PIK3C3: variants seen among roughly 807,000 people sequenced by gnomAD.
PIK3C3 encodes the protein phosphatidylinositol 3-kinase catalytic subunit type 3, also known as PI3-kinase type 3.
PIK3C3 carries 95 observed loss-of-function variants against 126.1 expected under a neutral mutation model. The ratio of observed to expected loss-of-function variants is 0.75; its 90% confidence interval spans 0.64 to 0.89. PIK3C3 has a LOEUF of 0.89. Ranked by LOEUF, PIK3C3 falls within the 40% of genes least tolerant of loss-of-function variation. PIK3C3 has a pLI of 0.00. For synonymous variants in PIK3C3, 374 were observed against 360.0 expected (o/e 1.04, Z -0.44); for missense variants, 829 against 1,063.2 (o/e 0.78, Z 3.06).
chr18:42,086,574 A>G lies in PIK3C3; in HGVS notation c.*5437A>G, dbSNP rs548759081. ...CCAGCCAAAACCCACCAAAACCAAG[A>G]CGGGAATGAAAGTGACCTCCGGTCA... is the stretch of plus-strand genomic sequence containing the variant. On this transcript the variant is annotated 3_prime_UTR_variant, in exon 25 of 25. Transcript: ENST00000262039. 1.3e-5 allele frequency: 2 copies of G among 152,316 alleles called. No homozygotes were observed. Among genetic ancestry groups the G allele is most frequent in the East Asian group, 3.9e-4 (2 of 5,174 alleles). 9.4% of individuals were successfully genotyped at this position (152,316 alleles called of 1,614,324 possible).
chr18:41,977,327 T>A, intron 4 of PIK3C3, among the ~76,000 whole-genome samples: 1 of 152,120 alleles, frequency 6.6e-6, no homozygotes, highest in East Asian at 1.9e-4. Context: ...AAAGGAAACA[T>A]TACTGAAAAA....
chr18:42,057,177 AT>A (rs1175589880), intron 21 of PIK3C3, among the ~76,000 whole-genome samples: 1 of 151,700 alleles, frequency 6.6e-6, no homozygotes, highest in Non-Finnish European at 1.5e-5. Context: ...TGTGTTACAG[AT>A]TAGTAAAATT....
chr18:41,978,685 C>T (rs1232608875), intron 4 of PIK3C3, among the ~76,000 whole-genome samples: 2 of 152,240 alleles, frequency 1.3e-5, no homozygotes, highest in East Asian at 3.9e-4. Flanking sequence ...TAATCTTCAT[C>T]CAAGTGCCCT....
chr18:42,011,996 G>T (rs569699355), intron 10 of PIK3C3, among the ~76,000 whole-genome samples: 13 of 152,052 alleles, frequency 8.5e-5, no homozygotes, highest in African/African-American at 2.9e-4. Context: ...GGCACCCCTG[G>T]TTACAATAGT....
intron 20 of PIK3C3, among the ~76,000 whole-genome samples, chr18:42,047,057 A>C (rs2144486209): frequency 1.3e-5 from 2 of 152,302 alleles, no homozygotes; most frequent in South Asian, 2.1e-4. Flanking sequence ...ATTAAGCATA[A>C]TTCATGTATA....
Position 41,987,798 on chromosome 18 carries a change from T to C in PIK3C3, c.532-14T>C, listed in dbSNP as rs1378416638. The C allele has an allele frequency of 3.1e-6, 5 of 1,588,526 alleles. No individual in the cohort carries two copies. Among genetic ancestry groups the C allele is most frequent in the Non-Finnish European group, 4.3e-6 (5 of 1,162,436 alleles). On this transcript the variant is annotated splice_polypyrimidine_tract_variant and intron_variant, in intron 4 of 24. Coordinates refer to ENST00000262039, the MANE Select transcript of PIK3C3 (RefSeq NM_002647.4). ...ATGTATATTAAAATTTTCGTCATTG[T>C]ATTTATTCTGCAGCTCACCAAAGCT...
Position 41,963,359 on chromosome 18 carries a change from G to A in PIK3C3, c.401+727G>A, listed in dbSNP as rs188964365. The stretch of plus-strand genomic sequence containing the variant: ...CTAGTAACTTGCAAAGGTGGTGATC[G>A]ATGGCTTTTGTGCATTTTGTTTTTT... On this transcript the variant is annotated intron_variant, in intron 3 of 24. Transcript: ENST00000262039. Among the ~76,000 whole-genome samples, 291 of 152,256 alleles carry A rather than the reference G, an allele frequency of 1.9e-3. 1 individual carries two copies. The highest frequency in any genetic ancestry group is 6.4e-3 in the African/African-American group (267 of 41,528).
chr18:42,037,301 G>A (rs1984098662), intron 16 of PIK3C3, among the ~76,000 whole-genome samples: 5 of 152,166 alleles, frequency 3.3e-5, no homozygotes, highest in Admixed American at 2.6e-4. Flanking sequence ...TGTCTTCTTT[G>A]TATTAGGCAT....
chr18:42,024,121 A>T (rs1392090991), intron 13 of PIK3C3, among the ~76,000 whole-genome samples: 2 of 152,226 alleles, frequency 1.3e-5, no homozygotes, highest in Non-Finnish European at 2.9e-5. Context: ...TATAACTTTT[A>T]AGACCTTTCA....
intron 4 of PIK3C3, among the ~76,000 whole-genome samples, chr18:41,975,310 C>T (rs565737604): frequency 3.3e-5 from 5 of 152,280 alleles, no homozygotes; most frequent in South Asian, 4.1e-4. Context: ...AGCCACAAGT[C>T]GCATGTAGCA....
chr18:42,028,760 G>T (rs1190316228), intron 14 of PIK3C3, among the ~76,000 whole-genome samples: 1 of 152,016 alleles, frequency 6.6e-6, no homozygotes, highest in African/African-American at 2.4e-5. Context: ...CCCTTACCAG[G>T]GTAATTGGGA....
At position 42,059,056 on chromosome 18, in the gene PIK3C3, C is replaced by G. The variant is rs140976837; in HGVS notation, c.2432+1005C>G. Among the ~76,000 whole-genome samples, 501 of 152,278 alleles carry G rather than the reference C, an allele frequency of 3.3e-3. 2 individuals carry two copies. The highest frequency in any genetic ancestry group is 0.011 in the African/African-American group (473 of 41,554). ...ATTGTGTGTTTATTCATTGAGAACTCTTCGTATTTGTATGAGAACCCTCCG... is the reference window on the plus strand; with the variant it reads ...ATTGTGTGTTTATTCATTGAGAACTGTTCGTATTTGTATGAGAACCCTCCG... On this transcript the variant is annotated intron_variant, in intron 22 of 24. Coordinates refer to ENST00000262039, the MANE Select transcript of PIK3C3 (RefSeq NM_002647.4).
At chr18:42,002,071 A>C (rs1041507000) in intron 9 of PIK3C3, among the ~76,000 whole-genome samples, 3 of 152,186 alleles carry the variant, frequency 2.0e-5, no homozygotes, top group African/African-American at 7.2e-5. Context: ...GCCCACAAAA[A>C]CATTTGGCAG....
rs563048629 is a variant in PIK3C3, at chr18:42,078,294, G to A, written c.2650-2829G>A. 1.1e-4 allele frequency among the ~76,000 whole-genome samples: 17 copies of A among 149,866 alleles called. No homozygotes were observed. The East Asian group carries it at 2.0e-3, about 17-fold the overall frequency. On this transcript the variant is annotated intron_variant, in intron 24 of 24. Transcript: ENST00000262039. ...CGGGAGGCTGAGGCAGGAGAATGGC[G>A]TGAACCCGGGAAGCGGAGCTTGCAG...
At chr18:41,981,150 A>G (rs370186016) in intron 4 of PIK3C3, among the ~76,000 whole-genome samples, 134 of 152,270 alleles carry the variant, frequency 8.8e-4, no homozygotes, top group African/African-American at 3.2e-3. Context: ...GCGTTTGGGA[A>G]TATCTCGTAA....
Position 41,977,704 on chromosome 18 carries a change from C to T in PIK3C3, c.531+7248C>T, listed in dbSNP as rs575158713. On this transcript the variant is annotated intron_variant, in intron 4 of 24. Transcript: ENST00000262039. ...TTCACCATGTTGGCCAGGCAGGTCTCGAACTCCTAACCTCAAGTGATCAAC... is the reference window on the plus strand; with the variant it reads ...TTCACCATGTTGGCCAGGCAGGTCTTGAACTCCTAACCTCAAGTGATCAAC... Among the ~76,000 whole-genome samples the T allele has an allele frequency of 5.9e-5, 9 of 152,116 alleles. No individual in the cohort carries two copies. In the East Asian group the frequency reaches 1.2e-3, roughly 20 times the overall value.
intron 4 of PIK3C3, among the ~76,000 whole-genome samples, chr18:41,981,708 C>T (rs987902203): frequency 6.6e-6 from 1 of 151,954 alleles, no homozygotes. Context: ...ACCTGTAATC[C>T]CAGTACTTTG....
intron 20 of PIK3C3, among the ~76,000 whole-genome samples, chr18:42,044,593 T>G (rs965830707): frequency 6.6e-6 from 1 of 152,072 alleles, no homozygotes; most frequent in Non-Finnish European, 1.5e-5. Context: ...TTTTTTTGTA[T>G]TTTTTGTAGA....
chr18:42,072,188 G>A (rs968398339), intron 24 of PIK3C3, among the ~76,000 whole-genome samples: 1 of 151,812 alleles, frequency 6.6e-6, no homozygotes, highest in Non-Finnish European at 1.5e-5. Flanking sequence ...ATTGTTAATC[G>A]ATTTATGGTA....
Sources: allele counts gnomAD v4.1 joint callset (sites outside exome capture counted in the v4.1 genomes callset), GRCh38; gene constraint gnomAD v4.1.1; transcripts MANE v1.5; gene names NCBI Gene and HGNC (gene_info 2026-07-23, HGNC 2026-07-21).